The following VIP variants were observed in gnomAD, a reference collection of about 807,000 sequenced individuals.
The protein encoded by VIP is VIP peptides.
In VIP, 18 loss-of-function variants were observed where a neutral mutation model predicts 20.1. The observed-to-expected ratio is 0.90, with a 90% CI of 0.62 to 1.33. VIP has a LOEUF of 1.33. Among genes scored for constraint, VIP ranks in the 40% most tolerant of loss-of-function variants. The probability of loss-of-function intolerance (pLI) is 0.00; values close to 1 mark genes in which losing one functional copy is unlikely to be tolerated. For synonymous variants in VIP, 70 were observed against 68.1 expected (o/e 1.03, Z -0.14); for missense variants, 209 against 199.4 (o/e 1.05, Z -0.29).
intron 3 of VIP, among the ~76,000 whole-genome samples, chr6:152,754,734 A>G (rs1289839994): frequency 6.6e-6 from 1 of 151,992 alleles, no homozygotes; most frequent in African/African-American, 2.4e-5. Context: ...GACAAAGTAT[A>G]AAAGGTGCTT....
chr6:152,755,999 TC>T, intron 4 of VIP, 134 bp from the exon 5 acceptor site: 1 of 930,986 alleles, frequency 1.1e-6, no homozygotes. Flanking sequence ...GTTGTATTTT[TC>T]TTTTAGTCTT....
chr6:152,751,412 A>G (rs2099729612), intron 1 of VIP, among the ~76,000 whole-genome samples: 1 of 152,136 alleles, frequency 6.6e-6, no homozygotes, highest in Admixed American at 6.6e-5. Context: ...AGCAAGAGAA[A>G]CAGACCTTAC....
chr6:152,755,206 C>T (rs990185232), intron 3 of VIP, 63 bp from the exon 4 acceptor site: 2 of 1,079,476 alleles, frequency 1.9e-6, no homozygotes, highest in African/African-American at 1.6e-5. Flanking sequence ...ATTTAATAAG[C>T]CATAATAATA....
chr6:152,756,971 A>G, intron 5 of VIP, 125 bp from the exon 6 acceptor site: 1 of 788,470 alleles, frequency 1.3e-6, no homozygotes, highest in Non-Finnish European at 2.0e-6. Flanking sequence ...CTCAAAGATA[A>G]TTGTTTAGCC....
At chr6:152,755,446 C>A in intron 4 of VIP, 73 bp downstream of exon 4, 1 of 949,994 alleles carries the variant, frequency 1.1e-6, no homozygotes, top group Non-Finnish European at 1.5e-6. Flanking sequence ...TCACTCTTAA[C>A]AAGTTATTTA....
chr6:152,755,118 G>A (rs1346372029), intron 3 of VIP, 151 bp from the exon 4 acceptor site: 6 of 487,844 alleles, frequency 1.2e-5, no homozygotes, highest in African/African-American at 4.1e-5. Context: ...GATCTCTTTT[G>A]TTAGGGTGTT....
chr6:152,756,417 C>G (rs1266498190), intron 5 of VIP, 152 bp downstream of exon 5: 2 of 907,760 alleles, frequency 2.2e-6, no homozygotes, highest in East Asian at 5.6e-5. Flanking sequence ...CCCCGCAGAA[C>G]TTTAAAAATA....
chr6:152,755,701 G>A (rs2099730326), intron 4 of VIP, among the ~76,000 whole-genome samples: 1 of 151,670 alleles, frequency 6.6e-6, no homozygotes, highest in Non-Finnish European at 1.5e-5. Flanking sequence ...AGGTCAAACA[G>A]AATATTCTTT....
At chr6:152,756,008 C>A in intron 4 of VIP, 126 bp from the exon 5 acceptor site, 1 of 1,037,882 alleles carries the variant, frequency 9.6e-7, no homozygotes, top group Non-Finnish European at 1.3e-6. Flanking sequence ...TTCTTTTAGT[C>A]TTTTTATGAT....
At chr6:152,755,578 G>A (rs953187528) in intron 4 of VIP, among the ~76,000 whole-genome samples, 2 of 151,748 alleles carry the variant, frequency 1.3e-5, no homozygotes, top group African/African-American at 2.4e-5. Context: ...CATATTCATT[G>A]ACTCCAGACA....
intron 2 of VIP, 109 bp downstream of exon 2, chr6:152,752,393 T>C: frequency 1.1e-6 from 1 of 906,508 alleles, no homozygotes; most frequent in Non-Finnish European, 1.6e-6. Flanking sequence ...TATTATGTAT[T>C]TAAATTTTTC....
At chr6:152,754,020 C>A in intron 2 of VIP, 146 bp from the exon 3 acceptor site, 2 of 811,564 alleles carry the variant, frequency 2.5e-6, no homozygotes, top group Non-Finnish European at 3.7e-6. Flanking sequence ...ACTATATGAG[C>A]CATTAAGTCA....
intron 6 of VIP, among the ~76,000 whole-genome samples, chr6:152,758,043 T>A (rs2099730692): frequency 6.6e-6 from 1 of 152,034 alleles, no homozygotes; most frequent in Non-Finnish European, 1.5e-5. Context: ...ATCTATTTTC[T>A]GTTAGAGTGA....
At chr6:152,754,827 A>AG (rs1462586292) in intron 3 of VIP, among the ~76,000 whole-genome samples, 1 of 151,914 alleles carries the variant, frequency 6.6e-6, no homozygotes, top group Non-Finnish European at 1.5e-5. Flanking sequence ...TTTTGGAAAA[A>AG]GAAAAAAAAA....
At chr6:152,755,853 C>T (rs1364303287) in intron 4 of VIP, among the ~76,000 whole-genome samples, 2 of 151,512 alleles carry the variant, frequency 1.3e-5, no homozygotes, top group Non-Finnish European at 2.9e-5. Flanking sequence ...AATGGCAGAG[C>T]ACAACTTCAG....
chr6:152,756,036 G>C, intron 4 of VIP, 98 bp from the exon 5 acceptor site: 1 of 1,275,862 alleles, frequency 7.8e-7, no homozygotes, highest in Non-Finnish European at 1.0e-6. Context: ...TAGTTGGGTG[G>C]GAATTGCTTT....
chr6:152,757,010 C>A, intron 5 of VIP, 86 bp from the exon 6 acceptor site: 1 of 1,322,166 alleles, frequency 7.6e-7, no homozygotes, highest in Non-Finnish European at 1.1e-6. Context: ...GCACAGAGAA[C>A]AGCACATTCA....
At chr6:152,754,108 C>T in intron 2 of VIP, 58 bp from the exon 3 acceptor site, 2 of 1,569,076 alleles carry the variant, frequency 1.3e-6, no homozygotes, top group Non-Finnish European at 1.7e-6. Flanking sequence ...GTTGCGGAAC[C>T]ATACACACTG....
chr6:152,752,296 T>C lies in VIP; in HGVS notation c.107+12T>C. On this transcript the variant is annotated intron_variant, in intron 2 of 6. Transcript: ENST00000367244. ...CCTTCTGCTCTCAGGTAAGTTCCCT[T>C]TCAATTCAAACATCTGAACATTCCT... 3 of 1,602,468 alleles carry C rather than the reference T, an allele frequency of 1.9e-6. No individual in the cohort carries two copies. Among genetic ancestry groups the C allele is most frequent in the Non-Finnish European group, 2.6e-6 (3 of 1,171,406 alleles).
Sources: allele counts gnomAD v4.1 joint callset (sites outside exome capture counted in the v4.1 genomes callset), GRCh38; gene constraint gnomAD v4.1.1; transcripts MANE v1.5; gene names NCBI Gene and HGNC (gene_info 2026-07-23, HGNC 2026-07-21).